Variants in RBFOX1 observed in about 807,000 individuals in gnomAD.
The protein encoded by RBFOX1 is RNA binding protein fox-1 homolog 1.
RBFOX1 carries 8 observed loss-of-function variants against 57.7 expected under a neutral mutation model. That is an observed-to-expected ratio of 0.14 (90% confidence interval 0.08 to 0.25). The LOEUF is 0.25. RBFOX1 is among the 10% of genes least tolerant of loss of function. The pLI, the probability that RBFOX1 is intolerant of heterozygous loss-of-function variation, is 1.00. For synonymous variants in RBFOX1, 326 were observed against 222.4 expected (o/e 1.47, Z -4.15); for missense variants, 611 against 548.5 (o/e 1.11, Z -1.14).
chr16:5,308,555 T>C (rs1191856041), intron 1 of RBFOX1, among the ~76,000 whole-genome samples: 1 of 152,176 alleles, frequency 6.6e-6, no homozygotes, highest in African/African-American at 2.4e-5. Context: ...CTCAAACCCA[T>C]GTCTCCCCTT....
chr16:5,544,268 C>T (rs143911732), intron 2 of RBFOX1, among the ~76,000 whole-genome samples: 2 of 152,206 alleles, frequency 1.3e-5, no homozygotes, highest in East Asian at 1.9e-4. Context: ...AAATTGGCAA[C>T]AGAAGGAACT....
At chr16:5,410,398 T>C (rs1308316768) in intron 1 of RBFOX1, among the ~76,000 whole-genome samples, 11 of 151,984 alleles carry the variant, frequency 7.2e-5, no homozygotes, top group African/African-American at 2.4e-4. Flanking sequence ...TAAAAAATCA[T>C]TGTGCATGTC....
chr16:7,543,719 GTT>G (rs1491439840), intron 5 of RBFOX1, among the ~76,000 whole-genome samples: 3 of 97,328 alleles, frequency 3.1e-5, no homozygotes, highest in African/African-American at 1.2e-4. Context: ...GTGTGTGTGT[GTT>G]TATTTTTTAT....
intron 1 of RBFOX1, among the ~76,000 whole-genome samples, chr16:5,267,091 A>C (rs889689310): frequency 5.3e-5 from 8 of 151,658 alleles, no homozygotes; most frequent in Admixed American, 1.3e-4. Context: ...TGTTGTGTAC[A>C]TCTCTGCATA....
At chr16:6,241,264 A>C (rs1175983778) in intron 1 of RBFOX1, among the ~76,000 whole-genome samples, 2 of 152,210 alleles carry the variant, frequency 1.3e-5, no homozygotes, top group Admixed American at 1.3e-4. Context: ...CAACAACAAA[A>C]AATGAATCTG....
chr16:6,162,141 T>C (rs1338646825), intron 1 of RBFOX1, among the ~76,000 whole-genome samples: 1 of 152,138 alleles, frequency 6.6e-6, no homozygotes, highest in Non-Finnish European at 1.5e-5. Flanking sequence ...TTTTGGAGAC[T>C]GGGCGTCACT....
chr16:5,414,984 G>A (rs1293054779), intron 1 of RBFOX1, among the ~76,000 whole-genome samples: 1 of 152,094 alleles, frequency 6.6e-6, no homozygotes, highest in Non-Finnish European at 1.5e-5. Flanking sequence ...TATAGTTTTT[G>A]TGTGTTTTCC....
At chr16:6,615,722 C>T (rs944710383) in intron 2 of RBFOX1, among the ~76,000 whole-genome samples, 1 of 152,166 alleles carries the variant, frequency 6.6e-6, no homozygotes, top group Middle Eastern at 3.2e-3. Context: ...ACTTGTATTT[C>T]CCTCCTTTGA....
intron 2 of RBFOX1, among the ~76,000 whole-genome samples, chr16:6,381,182 T>C (rs900297367): frequency 1.3e-5 from 2 of 152,172 alleles, no homozygotes; most frequent in African/African-American, 4.8e-5. Context: ...TTTTGTTGCA[T>C]TTTATTTTTA....
chr16:7,107,260 G>A (rs756076949), intron 4 of RBFOX1, among the ~76,000 whole-genome samples: 10 of 152,108 alleles, frequency 6.6e-5, no homozygotes, highest in South Asian at 4.1e-4. Context: ...ACTGTGAGCT[G>A]GAGAGCAATG....
chr16:7,569,361 C>T (rs542184569), intron 5 of RBFOX1, among the ~76,000 whole-genome samples: 42 of 152,234 alleles, frequency 2.8e-4, no homozygotes, highest in African/African-American at 9.6e-4. Flanking sequence ...TTTCCTGGCC[C>T]CTGAAGGCCA....
At chr16:5,726,654 G>A (rs9929009) in intron 3 of RBFOX1, among the ~76,000 whole-genome samples, 62,035 of 152,052 alleles carry the variant, frequency 0.41, 15,065 homozygotes, top group East Asian at 0.8. Flanking sequence ...ACACTATTAT[G>A]TTATGATCAA....
At chr16:6,127,634 A>G (rs918992876) in intron 1 of RBFOX1, among the ~76,000 whole-genome samples, 11 of 152,166 alleles carry the variant, frequency 7.2e-5, no homozygotes, top group African/African-American at 2.7e-4. Context: ...TCAATTTTAA[A>G]CCACCCTGCG....
intron 3 of RBFOX1, among the ~76,000 whole-genome samples, chr16:5,862,127 C>T (rs1348747133): frequency 6.6e-6 from 1 of 152,176 alleles, no homozygotes; most frequent in Non-Finnish European, 1.5e-5. Flanking sequence ...TCAGTTCTAT[C>T]TAAGCCAGAG....
intron 2 of RBFOX1, among the ~76,000 whole-genome samples, chr16:6,540,653 C>G (rs2096802630): frequency 1.4e-5 from 2 of 145,770 alleles, no homozygotes; most frequent in Non-Finnish European, 3.0e-5. Context: ...AAGTCAGTCT[C>G]TGTACAGACG....
At chr16:6,860,419 A>C (rs1236891762) in intron 3 of RBFOX1, among the ~76,000 whole-genome samples, 5 of 152,190 alleles carry the variant, frequency 3.3e-5, no homozygotes, top group African/African-American at 1.2e-4. Context: ...AAAACACTAC[A>C]CGTTGGCTAA....
chr16:7,551,469 A>T (rs2086510576), intron 5 of RBFOX1, among the ~76,000 whole-genome samples: 1 of 152,228 alleles, frequency 6.6e-6, no homozygotes, highest in Non-Finnish European at 1.5e-5. Flanking sequence ...GGTGAAAGCC[A>T]TGAGACACTG....
intron 1 of RBFOX1, among the ~76,000 whole-genome samples, chr16:6,291,955 G>A (rs1231339937): frequency 6.6e-6 from 1 of 152,002 alleles, no homozygotes; most frequent in Non-Finnish European, 1.5e-5. Context: ...ATGAATGTGT[G>A]TGTGTGTGTG....
intron 2 of RBFOX1, among the ~76,000 whole-genome samples, chr16:5,531,016 T>C (rs1409174416): frequency 6.8e-6 from 1 of 147,448 alleles, no homozygotes; most frequent in African/African-American, 2.5e-5. Flanking sequence ...TCCCAGCTAC[T>C]TGGGAGGCTG....
Sources: gnomAD v4.1 joint callset for allele counts (sites outside exome capture counted in the v4.1 genomes callset) on GRCh38, gnomAD v4.1.1 for gene constraint, MANE v1.5 for transcripts, NCBI Gene and HGNC (gene_info 2026-07-23, HGNC 2026-07-21) for gene names.